The following HTR4 variants were observed in gnomAD, a reference collection of about 807,000 sequenced individuals.
The protein encoded by HTR4 is 5-hydroxytryptamine (serotonin) receptor 4, G protein-coupled.
A neutral mutation model predicts 36.8 loss-of-function variants in HTR4; 16 were observed. The ratio of observed to expected loss-of-function variants is 0.43; its 90% CI spans 0.29 to 0.66. The LOEUF (loss-of-function observed/expected upper bound fraction) is 0.66. Ranked by LOEUF, HTR4 falls within the 30% of genes least tolerant of loss-of-function variation. The pLI is 0.13. For synonymous variants in HTR4, 189 were observed against 185.1 expected (o/e 1.02, Z -0.17); for missense variants, 438 against 490.9 (o/e 0.89, Z 1.02).
intron 2 of HTR4, among the ~76,000 whole-genome samples, chr5:148,591,344 G>C (rs772349717): frequency 2.0e-5 from 3 of 152,016 alleles, no homozygotes; most frequent in Non-Finnish European, 4.4e-5. Context: ...TTTTAAAATA[G>C]GTTTTTTTAA....
intron 4 of HTR4, among the ~76,000 whole-genome samples, chr5:148,542,541 G>T (rs1468771102): frequency 6.6e-6 from 1 of 152,168 alleles, no homozygotes; most frequent in Non-Finnish European, 1.5e-5. Context: ...TCAAATTTTT[G>T]AGCTGTGCAG....
intron 5 of HTR4, among the ~76,000 whole-genome samples, chr5:148,517,921 T>C (rs1757839809): frequency 6.6e-6 from 1 of 152,152 alleles, no homozygotes; most frequent in Admixed American, 6.5e-5. Flanking sequence ...CTACACGATC[T>C]TTCTCCTATA....
Position 148,550,265 on chromosome 5 carries a change from G to C in HTR4, c.27-3C>G, listed in dbSNP as rs1353297516. 3.1e-6 allele frequency: 5 copies of C among 1,613,822 alleles called. No homozygotes were observed. In the African/African-American group the frequency reaches 6.7e-5, roughly 22 times the overall value. On this transcript the variant is annotated splice_polypyrimidine_tract_variant and splice_region_variant and intron_variant, in intron 2 of 6. Transcript: ENST00000377888. Reference sequence around the variant, plus strand: ...CTGACCCGAAACCCTCCTCAGAACTGAAAGACACACACAAGCACAAAGAAT... The same window carrying C: ...CTGACCCGAAACCCTCCTCAGAACTCAAAGACACACACAAGCACAAAGAAT...
chr5:148,540,259 T>A (rs1759039845), intron 4 of HTR4, among the ~76,000 whole-genome samples: 1 of 151,180 alleles, frequency 6.6e-6, no homozygotes, highest in Non-Finnish European at 1.5e-5. Flanking sequence ...TAGAAAATCA[T>A]ATTAGGTACT....
At chr5:148,465,559 T>TA (rs568548368) in intron 5 of HTR4, among the ~76,000 whole-genome samples, 8 of 152,350 alleles carry the variant, frequency 5.3e-5, no homozygotes, top group African/African-American at 1.7e-4. Flanking sequence ...ATCACAGTTA[T>TA]ACTGGGTGAT....
intron 2 of HTR4, among the ~76,000 whole-genome samples, chr5:148,607,977 C>G (rs1325590638): frequency 1.3e-5 from 2 of 152,106 alleles, no homozygotes; most frequent in Non-Finnish European, 2.9e-5. Flanking sequence ...AATCAGAATA[C>G]TGGAGGGCGA....
At chr5:148,478,481 G>C (rs1755769882), downstream of HTR4, among the ~76,000 whole-genome samples, 1 of 152,178 alleles carries the variant, frequency 6.6e-6, no homozygotes, top group Non-Finnish European at 1.5e-5. Flanking sequence ...TTCTAACGGG[G>C]AGGTGTGATT....
chr5:148,574,756 C>T lies in HTR4; in HGVS notation c.27-24494G>A, dbSNP rs116001856. Reference sequence around the variant, plus strand: ...GAGGGACCACAGTTCCTGTAATATACGGTGCTTCTTACATGCTCAGGGAAA... The same window carrying T: ...GAGGGACCACAGTTCCTGTAATATATGGTGCTTCTTACATGCTCAGGGAAA... On this transcript the variant is annotated intron_variant, in intron 2 of 6. Coordinates refer to ENST00000377888, the MANE Select transcript of HTR4 (RefSeq NM_000870.7). 9.2e-3 allele frequency among the ~76,000 whole-genome samples: 1,393 copies of T among 152,124 alleles called. 22 individuals are homozygous for T. The highest frequency in any genetic ancestry group is 0.032 in the African/African-American group (1,335 of 41,528).
chr5:148,487,711 G>A (rs1027593003), intron 6 of HTR4, among the ~76,000 whole-genome samples: 2 of 151,666 alleles, frequency 1.3e-5, no homozygotes, highest in Admixed American at 6.6e-5. Flanking sequence ...TAGAGAGAGC[G>A]AGCTTAGAGA....
chr5:148,573,923 G>C (rs983550252), intron 2 of HTR4, among the ~76,000 whole-genome samples: 1 of 152,032 alleles, frequency 6.6e-6, no homozygotes, highest in African/African-American at 2.4e-5. Flanking sequence ...GAAATAAACA[G>C]AACTAGGAAT....
chr5:148,451,656 AGTTTTGG>A (rs768163393), intron 5 of HTR4, among the ~76,000 whole-genome samples: 6 of 152,248 alleles, frequency 3.9e-5, no homozygotes, highest in Non-Finnish European at 7.4e-5. Context: ...TACCAGGGAT[AGTTTTGG>A]GTTCTGACTG....
At chr5:148,451,614 T>C (rs1021626066) in intron 5 of HTR4, among the ~76,000 whole-genome samples, 7 of 152,134 alleles carry the variant, frequency 4.6e-5, no homozygotes, top group African/African-American at 1.7e-4. Context: ...ATGTACCACC[T>C]CAAGCTGTAC....
chr5:148,597,845 C>T lies in HTR4; in HGVS notation c.26+39144G>A, dbSNP rs1305615512. On this transcript the variant is annotated intron_variant, in intron 2 of 6. Transcript: ENST00000377888. ...TATCGCCTTCACTATATCACCAGAT[C>T]AGTGAGAACAAGTACCTCCTACACT... is the stretch of plus-strand genomic sequence containing the variant. Among the ~76,000 whole-genome samples, 4 of 152,194 alleles carry T rather than the reference C, an allele frequency of 2.6e-5. No homozygotes were observed. The East Asian group carries it at 7.7e-4, about 29-fold the overall frequency.
intron 6 of HTR4, among the ~76,000 whole-genome samples, chr5:148,494,187 T>C (rs1883074): frequency 0.48 from 72,564 of 152,034 alleles, 18,201 homozygotes; most frequent in African/African-American, 0.64. Flanking sequence ...TATTCTGGCA[T>C]GCACAGTCCA....
intron 5 of HTR4, among the ~76,000 whole-genome samples, chr5:148,518,261 A>T (rs749911647): frequency 3.3e-5 from 5 of 152,028 alleles, no homozygotes; most frequent in Non-Finnish European, 5.9e-5. Flanking sequence ...TTTTCATCTC[A>T]TCACTTATTG....
chr5:148,492,960 G>T (rs1240972079), intron 6 of HTR4, among the ~76,000 whole-genome samples: 1 of 152,182 alleles, frequency 6.6e-6, no homozygotes, highest in African/African-American at 2.4e-5. Flanking sequence ...AGTCTCAATG[G>T]AAGGGATAAT....
At chr5:148,545,163 A>T (rs1388755307) in intron 4 of HTR4, among the ~76,000 whole-genome samples, 2 of 152,232 alleles carry the variant, frequency 1.3e-5, no homozygotes, top group Non-Finnish European at 2.9e-5. Context: ...GGGACAGGGA[A>T]AGCTGGAGAC....
At chr5:148,610,587 C>G (rs1378292619) in intron 2 of HTR4, among the ~76,000 whole-genome samples, 1 of 152,090 alleles carries the variant, frequency 6.6e-6, no homozygotes, top group African/African-American at 2.4e-5. Context: ...AAAAACAGAA[C>G]AGAAAAACTG....
intron 5 of HTR4, among the ~76,000 whole-genome samples, chr5:148,522,199 C>A (rs1758054048): frequency 6.6e-6 from 1 of 152,158 alleles, no homozygotes; most frequent in Admixed American, 6.5e-5. Flanking sequence ...GCATGTGGAA[C>A]TGTGAGTCCA....
Sources: gnomAD v4.1 joint callset for allele counts (sites outside exome capture counted in the v4.1 genomes callset) on GRCh38, gnomAD v4.1.1 for gene constraint, MANE v1.5 for transcripts, NCBI Gene and HGNC (gene_info 2026-07-23, HGNC 2026-07-21) for gene names.